DOCK5: variants seen among roughly 807,000 people sequenced by gnomAD.
DOCK5 encodes the protein dedicator of cytokinesis protein 5.
In DOCK5, 142 loss-of-function variants were observed where a neutral mutation model predicts 251.8. The observed-to-expected ratio is 0.56, with a 90% confidence interval of 0.49 to 0.65. The LOEUF (loss-of-function observed/expected upper bound fraction) is 0.65. Among genes scored for constraint, DOCK5 ranks in the 30% least tolerant of loss-of-function variants. DOCK5 has a pLI of 0.00. For missense variants in DOCK5, 2,111 were observed against 2,312.3 expected, an observed-to-expected ratio of 0.91 and a Z score of 1.79; for synonymous variants, 842 against 835.5, an observed-to-expected ratio of 1.01 and a Z score of -0.13.
chr8:25,193,515 C>G (rs1350230888), intron 1 of DOCK5, among the ~76,000 whole-genome samples: 1 of 151,978 alleles, frequency 6.6e-6, no homozygotes, highest in Non-Finnish European at 1.5e-5. Context: ...AATCCCAGCA[C>G]TTTGGGAGAC....
chr8:25,373,558 T>G, intron 35 of DOCK5, 60 bp from the exon 36 acceptor site: 2 of 1,491,934 alleles, frequency 1.3e-6, no homozygotes, highest in Admixed American at 2.1e-5. Flanking sequence ...GTTTGTCTAT[T>G]TTTGTGTCAA....
rs748252518 is a variant in DOCK5, at chr8:25,340,923, C to T, written c.2374C>T (p.Arg792Cys). Reference protein sequence around the residue: ...KDGDEFNNSIRQLFLAFNMLM... With the variant: ...KDGDEFNNSICQLFLAFNMLM... ...TGGAGATGAGTTTAATAATTCAATT[C>T]GCCAGTTATTTCTTGCTTTCAATAT... The change falls in exon 23 of 52, where the codon CGC (arginine) becomes TGC (cysteine). Residue 792 changes from arginine (R) to cysteine (C), a missense_variant. By Grantham distance (180) the Arg-to-Cys change is radical. Transcript: ENST00000276440. 1.4e-5 allele frequency: 22 copies of T among 1,613,438 alleles called. No homozygotes were observed. The highest frequency in any genetic ancestry group is 8.8e-5 in the South Asian group (8 of 90,950).
At chr8:25,280,892 C>T (rs889882374) in intron 5 of DOCK5, among the ~76,000 whole-genome samples, 1 of 151,062 alleles carries the variant, frequency 6.6e-6, no homozygotes, top group Admixed American at 6.6e-5. Flanking sequence ...ATTGCGTGTA[C>T]GTGGGTTGGT....
At chr8:25,390,595 G>T (rs946203218) in intron 42 of DOCK5, among the ~76,000 whole-genome samples, 36 of 152,052 alleles carry the variant, frequency 2.4e-4, no homozygotes, top group Non-Finnish European at 4.7e-4. Context: ...GGGGGTTTTG[G>T]TTTTTTTAGG....
At chr8:25,342,085 C>T (rs1805968584) in intron 24 of DOCK5, among the ~76,000 whole-genome samples, 1 of 152,078 alleles carries the variant, frequency 6.6e-6, no homozygotes, top group Non-Finnish European at 1.5e-5. Context: ...CTAAGTATCC[C>T]AGCAGTGCAA....
chr8:25,352,208 G>A (rs1172588783), intron 27 of DOCK5, among the ~76,000 whole-genome samples: 2 of 124,758 alleles, frequency 1.6e-5, no homozygotes, highest in Non-Finnish European at 3.2e-5. Flanking sequence ...GCAATAGCCT[G>A]CCTTTGAAAA....
At chr8:25,255,963 A>T (rs1803410985) in intron 2 of DOCK5, among the ~76,000 whole-genome samples, 1 of 152,244 alleles carries the variant, frequency 6.6e-6, no homozygotes, top group Non-Finnish European at 1.5e-5. Flanking sequence ...AGAAATGGTC[A>T]TAGTAGCAGG....
At chr8:25,404,539 G>A (rs1271741316) in intron 48 of DOCK5, among the ~76,000 whole-genome samples, 4 of 152,156 alleles carry the variant, frequency 2.6e-5, no homozygotes, top group African/African-American at 9.7e-5. Context: ...CGTCATGTCA[G>A]CATTCAAATA....
chr8:25,302,942 G>A (rs967833342), intron 10 of DOCK5, among the ~76,000 whole-genome samples: 2 of 152,180 alleles, frequency 1.3e-5, no homozygotes, highest in African/African-American at 2.4e-5. Flanking sequence ...TAATGGGTAC[G>A]GAGTTTCCAT....
chr8:25,347,837 C>T (rs1159872072), intron 26 of DOCK5, among the ~76,000 whole-genome samples: 1 of 152,196 alleles, frequency 6.6e-6, no homozygotes, highest in African/African-American at 2.4e-5. Context: ...CCTCTTTAGT[C>T]TCTTCCACTT....
intron 1 of DOCK5, among the ~76,000 whole-genome samples, chr8:25,239,319 A>ATGTGTGTGTGTGTGTG (rs746237389): frequency 7.6e-6 from 1 of 130,980 alleles, no homozygotes; most frequent in South Asian, 2.5e-4. Flanking sequence ...GTGCGTGTAT[A>ATGTGTGTGTGTGTGTG]TGTGTGTGTG....
intron 5 of DOCK5, among the ~76,000 whole-genome samples, chr8:25,288,074 C>T (rs973752835): frequency 5.3e-5 from 8 of 152,014 alleles, no homozygotes; most frequent in African/African-American, 1.7e-4. Flanking sequence ...TTAGTAGAGA[C>T]GGGGTTTCAC....
chr8:25,341,745 G>T lies in DOCK5; in HGVS notation c.2446G>T (p.Ala816Ser). The change falls in exon 24 of 52, where the codon GCT (alanine) becomes TCT (serine). Residue 816 changes from alanine (A) to serine (S), a missense_variant. By Grantham distance (99) the Ala-to-Ser change is moderately conservative. Transcript: ENST00000276440. The stretch of plus-strand genomic sequence containing the variant: ...TTTGGTGTTTTTCTTACAGGGGGCA[G>T]CTTTGAAGTACCTTCCTAGCATAAT... ...LEEAVKIKGA[A>S]LKYLPSIIND... 1 of 1,577,238 alleles carries T rather than the reference G, an allele frequency of 6.3e-7. No homozygotes were observed. Among genetic ancestry groups the T allele is most frequent in the Admixed American group, 1.8e-5 (1 of 54,304 alleles).
chr8:25,264,727 T>G (rs1803691432), intron 2 of DOCK5, among the ~76,000 whole-genome samples: 1 of 151,750 alleles, frequency 6.6e-6, no homozygotes, highest in Non-Finnish European at 1.5e-5. Flanking sequence ...CTGAGAAGGA[T>G]GAACCATGAG....
At chr8:25,405,038 G>T (rs1426924821) in intron 48 of DOCK5, among the ~76,000 whole-genome samples, 1 of 151,948 alleles carries the variant, frequency 6.6e-6, no homozygotes, top group Non-Finnish European at 1.5e-5. Flanking sequence ...TGTGACCTGT[G>T]GTCAAATACT....
rs951794720 is a variant in DOCK5, at chr8:25,209,844, A to G, written c.43+24893A>G. ...ATTTCGTGCAGAAGGCGCAAGCAAC[A>G]TGGGAGCCTCCTGTGTTTTCCTCAA... is the stretch of plus-strand genomic sequence containing the variant. On this transcript the variant is annotated intron_variant, in intron 1 of 51. Coordinates refer to ENST00000276440, the MANE Select transcript of DOCK5 (RefSeq NM_024940.8). 9.1e-5 allele frequency among the ~76,000 whole-genome samples: 6 copies of G among 65,834 alleles called. 2 individuals are homozygous for G. Among genetic ancestry groups the G allele is most frequent in the African/African-American group, 1.4e-4 (4 of 28,554 alleles). The allele number at this position is 65,834 out of a possible 152,430, so 43.2% of individuals were successfully genotyped here.
intron 1 of DOCK5, among the ~76,000 whole-genome samples, chr8:25,235,919 T>A (rs1369410025): frequency 2.0e-5 from 3 of 149,164 alleles, no homozygotes; most frequent in Non-Finnish European, 4.4e-5. Flanking sequence ...TGCCTCAGCC[T>A]CCCGAGTAGC....
At chr8:25,314,602 C>A (rs1390549304) in intron 13 of DOCK5, among the ~76,000 whole-genome samples, 1 of 140,418 alleles carries the variant, frequency 7.1e-6, no homozygotes, top group Non-Finnish European at 1.5e-5. Context: ...CACCCATCCA[C>A]CTACCCATCC....
At position 25,185,090 on chromosome 8, in the gene DOCK5, G is replaced by C. The variant is rs939467643; in HGVS notation, c.43+139G>C. 4 of 1,013,016 alleles carry C rather than the reference G, an allele frequency of 3.9e-6. No homozygotes were observed. The Admixed American group carries it at 1.3e-4, about 33-fold the overall frequency. The allele number at this position is 1,013,016 out of a possible 1,614,324, so 62.8% of individuals were successfully genotyped here. A position where few individuals can be genotyped will look rare whatever the true frequency, so the allele number is the denominator to read the frequency against. ...CGGCTGCGCAGCTCTGGGAGCCGGG[G>C]ACGGTAGGAGTCCTCTCCAGGGAGC... On this transcript the variant is annotated intron_variant, in intron 1 of 51. Transcript: ENST00000276440.
Sources: gnomAD v4.1 joint callset for allele counts (sites outside exome capture counted in the v4.1 genomes callset) on GRCh38, gnomAD v4.1.1 for gene constraint, MANE v1.5 for transcripts, NCBI Gene and HGNC (gene_info 2026-07-23, HGNC 2026-07-21) for gene names.